FAM118B: variants seen among roughly 807,000 people sequenced by gnomAD.
The protein encoded by FAM118B is SIR2 antiphage like 1.
In FAM118B, 24 loss-of-function variants were observed where a neutral mutation model predicts 38.5. The observed-to-expected ratio is 0.62, with a 90% CI of 0.45 to 0.88. The LOEUF (loss-of-function observed/expected upper bound fraction) is 0.88, where lower values mean the gene tolerates loss of function less well. Ranked by LOEUF, FAM118B falls within the 40% of genes least tolerant of loss-of-function variation. FAM118B has a pLI of 0.00. For missense variants in FAM118B, 334 were observed against 420.0 expected, an observed-to-expected ratio of 0.80 and a Z score of 1.79; for synonymous variants, 138 against 156.3, an observed-to-expected ratio of 0.88 and a Z score of 0.87.
rs888656846 is a variant in FAM118B, at chr11:126,250,021, A to T, written c.340-485A>T. 1.3e-5 allele frequency among the ~76,000 whole-genome samples: 2 copies of T among 152,116 alleles called. No individual in the cohort carries two copies. Among genetic ancestry groups the T allele is most frequent in the Non-Finnish European group, 2.9e-5 (2 of 68,012 alleles). On this transcript the variant is annotated intron_variant, in intron 4 of 8. Coordinates refer to ENST00000533050, the MANE Select transcript of FAM118B (RefSeq NM_024556.4). This position sits in a 1 kb window ranked among gnomAD's most constrained non-coding sequence, Gnocchi z 5.1. ...CTTGCTATCTGCTAAGCATTGTGCT[A>T]AGCACTTGGCATGTATCATCTCATC...
chr11:126,221,082 G>A lies in FAM118B; in HGVS notation c.-76-8143G>A, dbSNP rs945218322. Among the ~76,000 whole-genome samples the A allele has an allele frequency of 2.8e-4, 43 of 152,092 alleles. 1 individual carries two copies. The highest frequency in any genetic ancestry group is 9.7e-4 in the African/African-American group (40 of 41,406). ...TGGGCCTGTAATCCCAGCTACTTGG[G>A]AGCCTGAGGCAGGAGAATAGCTTGA... is the stretch of plus-strand genomic sequence containing the variant. On this transcript the variant is annotated intron_variant, in intron 1 of 8. Coordinates refer to ENST00000533050, the MANE Select transcript of FAM118B (RefSeq NM_024556.4).
intron 1 of FAM118B, among the ~76,000 whole-genome samples, chr11:126,217,077 GA>G (rs1949988763): frequency 6.6e-6 from 1 of 152,198 alleles, no homozygotes; most frequent in Non-Finnish European, 1.5e-5. Flanking sequence ...GACGTGGGAG[GA>G]AAGCAGAATA....
At chr11:126,225,498 G>C (rs181211164) in intron 1 of FAM118B, among the ~76,000 whole-genome samples, 1 of 152,276 alleles carries the variant, frequency 6.6e-6, no homozygotes, top group African/African-American at 2.4e-5. Context: ...CAGTGAGATC[G>C]CTAGAGCTGT....
intron 4 of FAM118B, 175 bp downstream of exon 4, chr11:126,241,219 C>A: frequency 1.6e-6 from 1 of 611,874 alleles, no homozygotes; most frequent in Non-Finnish European, 2.7e-6. Flanking sequence ...ATGGACCCTA[C>A]TCAGGACAGT....
rs1403400817 is a variant in FAM118B at position 126,262,857 on chromosome 11, T to C, written c.*724T>C. 6.6e-6 allele frequency: 1 copy of C among 152,650 alleles called. No individual in the cohort carries two copies. The highest frequency in any genetic ancestry group is 1.5e-5 in the Non-Finnish European group (1 of 68,044). The allele number at this position is 152,650 out of a possible 1,614,324, so 9.5% of individuals were successfully genotyped here. ...TGCTCTGTTGTCCTGACCATACATA[T>C]GTCCTAGAACTACAGTTAAGTGTGT... is the stretch of plus-strand genomic sequence containing the variant. On this transcript the variant is annotated 3_prime_UTR_variant, in exon 9 of 9. Coordinates refer to ENST00000533050, the MANE Select transcript of FAM118B (RefSeq NM_024556.4).
At chr11:126,212,936 A>ATGGGGAAGGAAAGGGTTTGATAG (rs890233672) in intron 1 of FAM118B, among the ~76,000 whole-genome samples, 5 of 152,144 alleles carry the variant, frequency 3.3e-5, no homozygotes, top group Non-Finnish European at 4.4e-5. Flanking sequence ...TGCAGGACAG[A>ATGGGGAAGGAAAGGGTTTGATAG]TGGGGAAGGA....
intron 4 of FAM118B, among the ~76,000 whole-genome samples, chr11:126,248,358 CTTTTTTTTTTTTTTT>C (rs1167017613): frequency 8.1e-5 from 3 of 36,964 alleles, no homozygotes; most frequent in East Asian, 1.2e-3. Context: ...TAGTAGTTGA[CTTTTTTTTTTTTTTT>C]TTTTTTTTTT....
At chr11:126,261,892 TAGG>T (rs1390378672) in intron 8 of FAM118B, among the ~76,000 whole-genome samples, 2 of 151,966 alleles carry the variant, frequency 1.3e-5, no homozygotes, top group African/African-American at 4.8e-5. Flanking sequence ...CTGGCTGAGG[TAGG>T]AGGATTGCTT....
intron 3 of FAM118B, among the ~76,000 whole-genome samples, chr11:126,237,215 CTTTT>C (rs34631802): frequency 7.0e-5 from 3 of 43,112 alleles, no homozygotes; most frequent in Non-Finnish European, 1.2e-4. Context: ...CGCGCCTGGC[CTTTT>C]TTTTTTTTTT....
chr11:126,236,761 T>C (rs1297922302), intron 3 of FAM118B, among the ~76,000 whole-genome samples: 2 of 151,802 alleles, frequency 1.3e-5, no homozygotes, highest in Non-Finnish European at 2.9e-5. Flanking sequence ...GTTGCTTTAT[T>C]TTTTTCCCCC....
rs541702240 is a variant in FAM118B at position 126,250,333 on chromosome 11, C to T, written c.340-173C>T. ...GTCTCGATCTCCTGACCTCGTGATC[C>T]GCCCGCCTCGGTCTCCCAAAGTGCT... On this transcript the variant is annotated intron_variant, in intron 4 of 8. Coordinates refer to ENST00000533050, the MANE Select transcript of FAM118B (RefSeq NM_024556.4). This position sits in a 1 kb window ranked among gnomAD's most constrained non-coding sequence, Gnocchi z 5.1. 7.2e-5 allele frequency among the ~76,000 whole-genome samples: 11 copies of T among 152,232 alleles called. No individual in the cohort carries two copies. In the South Asian group the frequency reaches 2.1e-3, roughly 29 times the overall value.
intron 4 of FAM118B, among the ~76,000 whole-genome samples, chr11:126,246,273 A>C (rs1950418509): frequency 6.6e-6 from 1 of 152,144 alleles, no homozygotes; most frequent in Non-Finnish European, 1.5e-5. Flanking sequence ...AAAAGAATCA[A>C]ATCTAACAGT....
intron 2 of FAM118B, among the ~76,000 whole-genome samples, chr11:126,233,337 T>C (rs1456017624): frequency 1.3e-5 from 2 of 152,134 alleles, no homozygotes; most frequent in East Asian, 3.9e-4. Context: ...TAGCTGGGCA[T>C]AGTGGCGCAT....
intron 1 of FAM118B, among the ~76,000 whole-genome samples, chr11:126,217,522 C>G (rs1949995907): frequency 6.6e-6 from 1 of 152,044 alleles, no homozygotes; most frequent in East Asian, 1.9e-4. Flanking sequence ...TTTCATGTAC[C>G]TACTGTTAAT....
At position 126,259,759 on chromosome 11, in the gene FAM118B, C is replaced by T. The variant is rs1950648364; in HGVS notation, c.983-1666C>T. On this transcript the variant is annotated intron_variant, in intron 7 of 8. Transcript: ENST00000533050. ...GATTTGAGATGGAGTTTCTCTCTGT[C>T]ACCCAGGCTAGAGTGCAGTGGCGCA... 2.0e-5 allele frequency among the ~76,000 whole-genome samples: 3 copies of T among 146,544 alleles called. No homozygotes were observed. In the Admixed American group the frequency reaches 2.1e-4, roughly 10 times the overall value.
At chr11:126,226,533 A>G (rs1265416204) in intron 1 of FAM118B, among the ~76,000 whole-genome samples, 1 of 152,290 alleles carries the variant, frequency 6.6e-6, no homozygotes, top group Non-Finnish European at 1.5e-5. Flanking sequence ...AAGGCCCTTC[A>G]GCAATTTAAC....
At chr11:126,258,669 C>T (rs1017672167) in intron 7 of FAM118B, among the ~76,000 whole-genome samples, 3 of 152,196 alleles carry the variant, frequency 2.0e-5, no homozygotes, top group Non-Finnish European at 1.5e-5. Context: ...TGTTTGCCCA[C>T]ACTTGAGACT....
At chr11:126,217,142 T>TG in intron 1 of FAM118B, among the ~76,000 whole-genome samples, 1 of 152,336 alleles carries the variant, frequency 6.6e-6, no homozygotes, top group Middle Eastern at 3.4e-3. Flanking sequence ...CACAAACGGG[T>TG]AGCCTCAGCC....
At chr11:126,254,200 G>A in intron 5 of FAM118B, 105 bp from the exon 6 acceptor site, 2 of 1,366,270 alleles carry the variant, frequency 1.5e-6, no homozygotes, top group African/African-American at 1.5e-5. Context: ...AAGCTAGAGA[G>A]TTTATGTCAG....
Sources: allele counts gnomAD v4.1 joint callset (sites outside exome capture counted in the v4.1 genomes callset), GRCh38; gene constraint gnomAD v4.1.1; non-coding constraint Gnocchi (gnomAD v3.1); transcripts MANE v1.5; gene names NCBI Gene and HGNC (gene_info 2026-07-23, HGNC 2026-07-21).